Variants in MEIS2 observed in about 807,000 individuals in gnomAD.
MEIS2 encodes the protein homeobox protein Meis2.
Under a neutral mutation model 58.6 loss-of-function variants are expected in MEIS2, and 9 were observed. That is an observed-to-expected ratio of 0.15 (90% CI 0.09 to 0.27). MEIS2 has a LOEUF of 0.27. Among genes scored for constraint, MEIS2 ranks in the 10% least tolerant of loss-of-function variants. MEIS2 has a pLI of 1.00. For missense variants in MEIS2, 427 were observed against 635.0 expected, an observed-to-expected ratio of 0.67 and a Z score of 3.52; for synonymous variants, 221 against 228.4, an observed-to-expected ratio of 0.97 and a Z score of 0.29.
chr15:37,001,591 C>T (rs12900044), intron 8 of MEIS2, among the ~76,000 whole-genome samples: 58,081 of 152,002 alleles, frequency 0.38, 12,564 homozygotes, highest in Middle Eastern at 0.59. Flanking sequence ...CAGACTATTT[C>T]TCATACTTAT....
Position 37,098,005 on chromosome 15 carries a change from G to A in MEIS2, c.207C>T (p.Val69=). The A allele has an allele frequency of 6.2e-7, 1 of 1,610,482 alleles. No individual in the cohort carries two copies. Residue 69 remains valine (V), a synonymous_variant, in exon 2 of 12, where the codon GTC becomes GTT. Coordinates refer to ENST00000561208, the MANE Select transcript of MEIS2 (RefSeq NM_170675.5). ...CCTTGTCCCGCTTCAAGGCGTCGTTGACAGCGGATCCCATACTGGCCGGCA... is the reference window on the plus strand; with the variant it reads ...CCTTGTCCCGCTTCAAGGCGTCGTTAACAGCGGATCCCATACTGGCCGGCA... ...NVMPASMGSA[V]NDALKRDKDA... is the part of the protein sequence containing the mutation.
At chr15:36,948,911 T>C (rs1479773972) in intron 9 of MEIS2, among the ~76,000 whole-genome samples, 1 of 152,094 alleles carries the variant, frequency 6.6e-6, no homozygotes, top group South Asian at 2.1e-4. Context: ...TTCCAATCTT[T>C]AGAAGAAAAT....
At chr15:36,952,607 C>CTCTGTGTGTG (rs1490440825) in intron 8 of MEIS2, among the ~76,000 whole-genome samples, 1,920 of 139,980 alleles carry the variant, frequency 0.014, 35 homozygotes, top group South Asian at 0.074. Flanking sequence ...GTCTCTCTCT[C>CTCTGTGTGTG]TGTGTGTGTG....
chr15:36,910,950 CAGG>C (rs1387902359), intron 9 of MEIS2, among the ~76,000 whole-genome samples: 2 of 148,668 alleles, frequency 1.3e-5, no homozygotes, highest in Non-Finnish European at 1.5e-5. Flanking sequence ...GAGGCTGAGG[CAGG>C]AGAATGGCTT....
In MEIS2 at chr15:36,892,376, G is replaced by A; in HGVS notation, c.1231C>T (p.Gln411Ter). The change falls in exon 12 of 12, where the codon CAG (glutamine) becomes TAG (stop). Residue 411 changes from glutamine to a stop codon, truncating the protein, a stop_gained. Coordinates refer to ENST00000561208, the MANE Select transcript of MEIS2 (RefSeq NM_170675.5). LOFTEE classifies it high-confidence loss of function. Reference sequence around the variant, plus strand: ...AATTGAGTAGGGTGTGGGGTCATCTGGGGAGGAGTGTAACTTGGCTGTGCC... The same window carrying A: ...AATTGAGTAGGGTGTGGGGTCATCTAGGGAGGAGTGTAACTTGGCTGTGCC... ...SMAQPSYTPP[Q>*]MTPHPTQLRH... is the part of the protein sequence containing the mutation. The A allele has an allele frequency of 6.2e-7, 1 of 1,613,996 alleles. No individual in the cohort carries two copies. The highest frequency in any genetic ancestry group is 8.5e-7 in the Non-Finnish European group (1 of 1,179,968).
intron 3 of MEIS2, 200 bp from the exon 4 acceptor site, chr15:37,095,814 G>T (rs936374140): frequency 2.8e-6 from 2 of 710,442 alleles, no homozygotes; most frequent in Non-Finnish European, 4.5e-6. Context: ...CCATTAAGGG[G>T]GACCTGGTAC....
At chr15:36,988,512 T>C (rs1433214296) in intron 8 of MEIS2, among the ~76,000 whole-genome samples, 1 of 152,214 alleles carries the variant, frequency 6.6e-6, no homozygotes, top group African/African-American at 2.4e-5. Context: ...AGACAATTGC[T>C]ATGACTTTAC....
chr15:37,081,835 G>A (rs1210055571), intron 7 of MEIS2, among the ~76,000 whole-genome samples: 1 of 152,150 alleles, frequency 6.6e-6, no homozygotes, highest in Non-Finnish European at 1.5e-5. Context: ...ATAAGTGGGT[G>A]CATCTACCCA....
chr15:36,941,720 A>G (rs1012664964), intron 9 of MEIS2, among the ~76,000 whole-genome samples: 2 of 152,204 alleles, frequency 1.3e-5, no homozygotes, highest in Non-Finnish European at 2.9e-5. Context: ...CAATCTATCA[A>G]TCACGGAAAA....
rs757524401 is a variant in MEIS2, at chr15:36,956,021, C to CAAAA, written c.901-5625_901-5622dup. 2.2e-3 allele frequency among the ~76,000 whole-genome samples: 102 copies of CAAAA among 46,602 alleles called. 3 individuals carry two copies. The highest frequency in any genetic ancestry group is 8.5e-3 in the African/African-American group (97 of 11,460). The allele number at this position is 46,602 out of a possible 152,430, so 30.6% of individuals were successfully genotyped here. A position where few individuals can be genotyped will look rare whatever the true frequency, so the allele number is the denominator to read the frequency against. On this transcript the variant is annotated intron_variant, in intron 8 of 11. Transcript: ENST00000561208. ...TGAAACCCCGTTTCTACTAAAAATA[C>CAAAA]AAAAAAAAAAAAAAAAAAAAAAAAA...
intron 7 of MEIS2, among the ~76,000 whole-genome samples, chr15:37,055,177 A>G (rs1263056611): frequency 6.6e-6 from 1 of 152,162 alleles, no homozygotes; most frequent in African/African-American, 2.4e-5. Context: ...CCATTCTCCT[A>G]TAAAACCTCA....
chr15:36,899,089 T>C (rs970982239), intron 9 of MEIS2, among the ~76,000 whole-genome samples: 15 of 152,246 alleles, frequency 9.9e-5, no homozygotes, highest in African/African-American at 3.6e-4. Flanking sequence ...TTGGGCACCA[T>C]TTAGCCTCTC....
At chr15:37,032,719 T>C (rs1347789566) in intron 8 of MEIS2, among the ~76,000 whole-genome samples, 1 of 151,678 alleles carries the variant, frequency 6.6e-6, no homozygotes, top group African/African-American at 2.4e-5. Context: ...TCTAAAAATA[T>C]ATAGATAGAT....
At chr15:36,959,561 G>A (rs2059110282) in intron 8 of MEIS2, among the ~76,000 whole-genome samples, 1 of 152,154 alleles carries the variant, frequency 6.6e-6, no homozygotes, top group Non-Finnish European at 1.5e-5. Context: ...TACAGAAAGG[G>A]AAGTTAGTGG....
chr15:37,044,057 T>G (rs2062558650), intron 7 of MEIS2, among the ~76,000 whole-genome samples: 1 of 152,178 alleles, frequency 6.6e-6, no homozygotes, highest in Non-Finnish European at 1.5e-5. Flanking sequence ...ATTGGGCACT[T>G]GCGATGTTCC....
intron 8 of MEIS2, among the ~76,000 whole-genome samples, chr15:37,008,135 T>C (rs573983115): frequency 6.6e-6 from 1 of 152,344 alleles, no homozygotes; most frequent in Non-Finnish European, 1.5e-5. Context: ...TATTTCAATT[T>C]TTTTCCACTA....
intron 9 of MEIS2, among the ~76,000 whole-genome samples, chr15:36,944,982 C>T (rs750352339): frequency 4.6e-5 from 7 of 152,036 alleles, no homozygotes; most frequent in Non-Finnish European, 8.8e-5. Context: ...AAATTATTTT[C>T]CTCAATTCCC....
chr15:36,916,724 C>T (rs62002397), intron 9 of MEIS2, among the ~76,000 whole-genome samples: 9,287 of 152,224 alleles, frequency 0.061, 507 homozygotes, highest in East Asian at 0.25. Context: ...TAAGCCACTG[C>T]GCACAGCCAA....
At chr15:36,996,748 C>T (rs2060535206) in intron 8 of MEIS2, among the ~76,000 whole-genome samples, 1 of 152,154 alleles carries the variant, frequency 6.6e-6, no homozygotes, top group Non-Finnish European at 1.5e-5. Context: ...TCTATGCTGG[C>T]TTAAGAGCTG....
Sources: gnomAD v4.1 joint callset for allele counts (sites outside exome capture counted in the v4.1 genomes callset) on GRCh38, gnomAD v4.1.1 for gene constraint, MANE v1.5 for transcripts, NCBI Gene and HGNC (gene_info 2026-07-23, HGNC 2026-07-21) for gene names.